Variants in NEBL observed in about 807,000 individuals in gnomAD.
NEBL encodes LIM and SH3 protein 2.
Under a neutral mutation model 140.2 loss-of-function variants are expected in NEBL, and 122 were observed. The ratio of observed to expected loss-of-function variants is 0.87; its 90% CI spans 0.75 to 1.01. The LOEUF is 1.01. Ranked by LOEUF, NEBL falls within the 50% of genes least tolerant of loss-of-function variation. The pLI, the probability that NEBL is intolerant of heterozygous loss-of-function variation, is 0.00. For synonymous variants in NEBL, 436 were observed against 398.9 expected, an observed-to-expected ratio of 1.09 and a Z score of -1.11; for missense variants, 1,365 against 1,231.3, an observed-to-expected ratio of 1.11 and a Z score of -1.62.
intron 2 of NEBL, among the ~76,000 whole-genome samples, chr10:21,098,647 T>G (rs1463019508): frequency 6.6e-6 from 1 of 152,192 alleles, no homozygotes; most frequent in Non-Finnish European, 1.5e-5. Context: ...TCAGTTCATT[T>G]GGTGTCCTAC....
upstream of NEBL, chr10:20,897,520 C>A: frequency 1.8e-6 from 2 of 1,109,124 alleles, no homozygotes; most frequent in Non-Finnish European, 2.2e-6. Context: ...ATTTATTTAT[C>A]TTTTACTAAT....
chr10:21,110,097 G>A (rs1589243481), intron 2 of NEBL, among the ~76,000 whole-genome samples: 1 of 152,188 alleles, frequency 6.6e-6, no homozygotes, highest in South Asian at 2.1e-4. Flanking sequence ...TGTGATGTTA[G>A]GGTGTCTATT....
chr10:20,939,474 A>G (rs1398726527), intron 4 of NEBL, among the ~76,000 whole-genome samples: 1 of 152,136 alleles, frequency 6.6e-6, no homozygotes, highest in East Asian at 1.9e-4. Context: ...CAGCCACTGC[A>G]AAAACATGCC....
At position 20,969,340 on chromosome 10, in the gene NEBL, T is replaced by C. The variant is rs374011957; in HGVS notation, c.250-7561A>G. Among the ~76,000 whole-genome samples, 4 of 151,918 alleles carry C rather than the reference T, an allele frequency of 2.6e-5. No homozygotes were observed. The East Asian group carries it at 5.8e-4, about 22-fold the overall frequency. ...TAATTAAAAAGCATTAAAAATCATG[T>C]CCATAGATTTCTAAGCTTTCAATTA... On this transcript the variant is annotated intron_variant, in intron 3 of 6. Transcript: ENST00000417816.
intron 24 of NEBL, among the ~76,000 whole-genome samples, chr10:20,811,388 G>T (rs1838122242): frequency 6.6e-6 from 1 of 152,130 alleles, no homozygotes; most frequent in Non-Finnish European, 1.5e-5. Flanking sequence ...CCCTAAGTGA[G>T]ATAAATCAGA....
intron 2 of NEBL, among the ~76,000 whole-genome samples, chr10:21,168,854 C>G (rs542192984): frequency 1.3e-5 from 2 of 151,022 alleles, no homozygotes; most frequent in Non-Finnish European, 3.0e-5. Flanking sequence ...CGAGACCATC[C>G]TAGCTAACAT....
intron 2 of NEBL, among the ~76,000 whole-genome samples, chr10:21,083,791 G>A (rs1477401341): frequency 3.3e-5 from 5 of 152,194 alleles, no homozygotes; most frequent in Non-Finnish European, 7.3e-5. Flanking sequence ...GTTGCAGTGA[G>A]CCATGATTGT....
chr10:20,818,877 G>A, intron 20 of NEBL: 9 of 988,784 alleles, frequency 9.1e-6, no homozygotes, highest in Non-Finnish European at 1.1e-5. Context: ...AAAATGCAGA[G>A]GGTGTAAAAC....
At chr10:21,276,042 C>T (rs1193112500) in intron 1 of NEBL, among the ~76,000 whole-genome samples, 2 of 149,168 alleles carry the variant, frequency 1.3e-5, no homozygotes, top group Non-Finnish European at 3.0e-5. Context: ...GTGATCTCAA[C>T]TCATTCTGAC....
Position 21,148,248 on chromosome 10 carries a change from T to C in NEBL, c.164+24135A>G, listed in dbSNP as rs143995648. ...ATTTATCCAGTATACTCCTGTGATA[T>C]TATGAAACATGTACATTGGTTTCCA... On this transcript the variant is annotated intron_variant, in intron 2 of 6. Transcript: ENST00000417816. 9.6e-4 allele frequency among the ~76,000 whole-genome samples: 147 copies of C among 152,354 alleles called. 2 individuals are homozygous for C. The East Asian group carries it at 0.021, about 22-fold the overall frequency.
intron 2 of NEBL, among the ~76,000 whole-genome samples, chr10:21,167,459 T>C (rs922817584): frequency 3.3e-5 from 5 of 152,226 alleles, no homozygotes; most frequent in African/African-American, 1.2e-4. Context: ...GGGAAATTAT[T>C]GGCAAGGTCA....
chr10:20,890,052 A>G, intron 2 of NEBL, 103 bp from the exon 3 acceptor site: 1 of 758,694 alleles, frequency 1.3e-6, no homozygotes, highest in Non-Finnish European at 2.2e-6. Flanking sequence ...ACTGAAGTAA[A>G]TACTCAAGTG....
chr10:20,926,748 C>G (rs1833932790), intron 4 of NEBL, among the ~76,000 whole-genome samples: 1 of 152,172 alleles, frequency 6.6e-6, no homozygotes. Flanking sequence ...GATGGCACAT[C>G]CAGCTGAAGA....
chr10:20,949,577 G>A (rs1050185236), intron 4 of NEBL, among the ~76,000 whole-genome samples: 19 of 152,126 alleles, frequency 1.2e-4, no homozygotes, highest in African/African-American at 4.8e-5. Flanking sequence ...ATTGAAAATC[G>A]AAATAGTAAA....
intron 2 of NEBL, among the ~76,000 whole-genome samples, chr10:21,060,762 G>A (rs1835236952): frequency 6.6e-6 from 1 of 151,772 alleles, no homozygotes; most frequent in Non-Finnish European, 1.5e-5. Flanking sequence ...TTACCCCTAA[G>A]CTGAAACGAC....
In NEBL at chr10:21,110,728, A is replaced by G. The variant is rs1361678183; in HGVS notation, c.164+61655T>C. The G allele has an allele frequency of 6.0e-6, 3 of 502,002 alleles. No individual in the cohort carries two copies. The Admixed American group carries it at 6.3e-5, about 11-fold the overall frequency. The allele number at this position is 502,002 out of a possible 1,614,324, so 31.1% of individuals were successfully genotyped here. On this transcript the variant is annotated intron_variant, in intron 2 of 6. Coordinates refer to the NEBL transcript ENST00000417816. ...GACATGAGCCCCCTGAGGCCCCAGA[A>G]CCAACAAAGATTATCGCTTTAAAGT... is the stretch of plus-strand genomic sequence containing the variant.
chr10:20,939,795 A>G (rs1834742909), intron 4 of NEBL, among the ~76,000 whole-genome samples: 2 of 152,220 alleles, frequency 1.3e-5, no homozygotes, highest in Non-Finnish European at 2.9e-5. Flanking sequence ...CTAGTCTCTG[A>G]TAAAGCAGAC....
At chr10:20,952,287 A>G (rs1349892817) in intron 4 of NEBL, among the ~76,000 whole-genome samples, 1 of 151,990 alleles carries the variant, frequency 6.6e-6, no homozygotes, top group East Asian at 1.9e-4. Context: ...AAATATAAAA[A>G]TTAGCTGGGC....
At position 21,045,932 on chromosome 10, in the gene NEBL, G is replaced by A. The variant is rs148539432; in HGVS notation, c.165-25731C>T. Reference sequence around the variant, plus strand: ...TACCTGCAATCGCATGTTTATCACAGCACTATTCACAATAGATAAGACACG... The same window carrying A: ...TACCTGCAATCGCATGTTTATCACAACACTATTCACAATAGATAAGACACG... On this transcript the variant is annotated intron_variant, in intron 2 of 6. Coordinates refer to the NEBL transcript ENST00000417816. Among the ~76,000 whole-genome samples the A allele has an allele frequency of 2.2e-4, 34 of 152,224 alleles. No individual in the cohort carries two copies. The East Asian group carries it at 6.6e-3, about 29-fold the overall frequency.
Sources: allele counts gnomAD v4.1 joint callset (sites outside exome capture counted in the v4.1 genomes callset), GRCh38; gene constraint gnomAD v4.1.1; transcripts MANE v1.5; gene names NCBI Gene and HGNC (gene_info 2026-07-23, HGNC 2026-07-21).